Variants in COBL observed in about 807,000 individuals in gnomAD.
COBL encodes the protein cordon-bleu WH2 repeat protein.
A neutral mutation model predicts 98.8 loss-of-function variants in COBL; 51 were observed. That is an observed-to-expected ratio of 0.52 (90% CI 0.41 to 0.65). The LOEUF (loss-of-function observed/expected upper bound fraction) is 0.65. Among genes scored for constraint, COBL ranks in the 30% least tolerant of loss-of-function variants. The pLI is 0.00. For missense variants in COBL, 1,617 were observed against 1,617.5 expected (o/e 1.00, Z 0.01); for synonymous variants, 634 against 651.7 (o/e 0.97, Z 0.41).
intron 6 of COBL, among the ~76,000 whole-genome samples, chr7:51,097,231 AT>A (rs1393845227): frequency 6.6e-6 from 1 of 152,216 alleles, no homozygotes; most frequent in Admixed American, 6.5e-5. Context: ...GACAAAAACC[AT>A]ACAAAACTCA....
rs1199232708 is a variant in COBL at position 51,043,711 on chromosome 7, G to A, written c.1097-19C>T. ...AGGCTTACTGGACAAGACACGGCAA[G>A]GACAGGTCAGCCCAAACCACTCTGG... is the stretch of plus-strand genomic sequence containing the variant. On this transcript the variant is annotated intron_variant, in intron 7 of 12. Coordinates refer to ENST00000265136, the MANE Select transcript of COBL (RefSeq NM_015198.5). 3.1e-6 allele frequency: 5 copies of A among 1,603,956 alleles called. No homozygotes were observed. In the African/African-American group the frequency reaches 4.0e-5, roughly 13 times the overall value.
chr7:51,183,804 T>C (rs531974666), intron 5 of COBL, among the ~76,000 whole-genome samples: 1 of 152,290 alleles, frequency 6.6e-6, no homozygotes, highest in East Asian at 1.9e-4. Flanking sequence ...CAGAGTTCTG[T>C]GGAAGTACCG....
chr7:51,306,368 G>C (rs947964933), intron 1 of COBL, among the ~76,000 whole-genome samples: 18 of 152,114 alleles, frequency 1.2e-4, no homozygotes, highest in Non-Finnish European at 2.9e-5. Flanking sequence ...TTGGAGCAAG[G>C]GCTGTATAAA....
intron 1 of COBL, among the ~76,000 whole-genome samples, chr7:51,315,088 T>C (rs925026861): frequency 7.2e-5 from 11 of 152,216 alleles, no homozygotes; most frequent in Non-Finnish European, 1.5e-4. Flanking sequence ...TGTCCTTAAA[T>C]AGGCTCATTT....
intron 5 of COBL, among the ~76,000 whole-genome samples, chr7:51,176,729 T>C (rs1019921902): frequency 6.6e-6 from 1 of 152,218 alleles, no homozygotes; most frequent in Non-Finnish European, 1.5e-5. Flanking sequence ...TGAATCCAAA[T>C]GTCCTTTTGA....
intron 7 of COBL, among the ~76,000 whole-genome samples, chr7:51,078,675 C>T (rs1189234617): frequency 1.3e-5 from 2 of 152,228 alleles, no homozygotes; most frequent in Admixed American, 6.5e-5. Context: ...CATGGCTTTG[C>T]TGGGTGCCTC....
chr7:51,259,286 C>CAAA (rs778118572), intron 1 of COBL: 7 of 76,718 alleles, frequency 9.1e-5, no homozygotes, highest in South Asian at 3.3e-4. Flanking sequence ...GACTCCAGCT[C>CAAA]AAAAAAAAAA....
chr7:51,208,159 G>A (rs1191638555), intron 2 of COBL, among the ~76,000 whole-genome samples: 3 of 148,304 alleles, frequency 2.0e-5, no homozygotes, highest in Non-Finnish European at 3.0e-5. Flanking sequence ...CTGCCTGGCC[G>A]CCCCGTCTGA....
At chr7:51,170,506 G>GAGAT (rs369216775) in intron 5 of COBL, among the ~76,000 whole-genome samples, 7 of 132,060 alleles carry the variant, frequency 5.3e-5, no homozygotes, top group African/African-American at 2.1e-4. Flanking sequence ...CTGACACTGT[G>GAGAT]ATATATATAT....
intron 5 of COBL, among the ~76,000 whole-genome samples, chr7:51,170,283 T>C (rs952064874): frequency 6.6e-6 from 1 of 151,978 alleles, no homozygotes; most frequent in Non-Finnish European, 1.5e-5. Context: ...CCCTGTTGTA[T>C]ACCATGCTTC....
At chr7:51,256,012 T>G (rs1424470382) in intron 1 of COBL, among the ~76,000 whole-genome samples, 1 of 152,076 alleles carries the variant, frequency 6.6e-6, no homozygotes, top group Admixed American at 6.6e-5. Flanking sequence ...TGGTCTCTAT[T>G]TTTACTCCTT....
intron 1 of COBL, among the ~76,000 whole-genome samples, chr7:51,304,600 A>T (rs1802283533): frequency 6.6e-6 from 1 of 152,250 alleles, no homozygotes; most frequent in South Asian, 2.1e-4. Context: ...TTCCTACTGG[A>T]AAGGCAGTGC....
Position 51,022,150 on chromosome 7 carries a change from G to A in COBL, c.3768+2959C>T, listed in dbSNP as rs549697665. Among the ~76,000 whole-genome samples the A allele has an allele frequency of 9.8e-5, 15 of 152,318 alleles. No homozygotes were observed. In the South Asian group the frequency reaches 2.5e-3, roughly 25 times the overall value. Reference sequence around the variant, plus strand: ...GACTGAGGGGAACGTGGTTTCCAACGTAGGACTCAGCCAAGGAACTCAGGG... The same window carrying A: ...GACTGAGGGGAACGTGGTTTCCAACATAGGACTCAGCCAAGGAACTCAGGG... On this transcript the variant is annotated intron_variant, in intron 12 of 12. Coordinates refer to ENST00000265136, the MANE Select transcript of COBL (RefSeq NM_015198.5).
At chr7:51,294,704 T>G (rs1801249361) in intron 1 of COBL, among the ~76,000 whole-genome samples, 1 of 151,988 alleles carries the variant, frequency 6.6e-6, no homozygotes, top group Non-Finnish European at 1.5e-5. Context: ...AATATTTTTC[T>G]GTACTTGATA....
intron 6 of COBL, among the ~76,000 whole-genome samples, chr7:51,095,896 T>G (rs571945102): frequency 6.6e-6 from 1 of 152,100 alleles, no homozygotes; most frequent in Non-Finnish European, 1.5e-5. Flanking sequence ...AAAGCAAACA[T>G]TGACATAATT....
intron 2 of COBL, among the ~76,000 whole-genome samples, chr7:51,195,970 C>G (rs1218683309): frequency 6.6e-6 from 1 of 152,130 alleles, no homozygotes; most frequent in Non-Finnish European, 1.5e-5. Flanking sequence ...TCCTCTCTTC[C>G]TATTTGTATG....
chr7:51,107,084 G>GTTTT lies in COBL; in HGVS notation c.958-21781_958-21780insAAAA, dbSNP rs202161212. On this transcript the variant is annotated intron_variant, in intron 6 of 12. Transcript: ENST00000265136. ...ACTTAACACTTTTTTTGTGATCCTA[G>GTTTT]TTTGTTTGTTTTTTTTTTTTTTTTT... 1.8e-4 allele frequency among the ~76,000 whole-genome samples: 20 copies of GTTTT among 109,326 alleles called. 3 individuals carry two copies. Among genetic ancestry groups the GTTTT allele is most frequent in the East Asian group, 9.2e-4 (3 of 3,268 alleles). The allele number at this position is 109,326 out of a possible 152,430, so 71.7% of individuals were successfully genotyped here. A position where few individuals can be genotyped will look rare whatever the true frequency, so the allele number is the denominator to read the frequency against.
intron 7 of COBL, among the ~76,000 whole-genome samples, chr7:51,063,871 G>A (rs1791634883): frequency 6.6e-6 from 1 of 152,206 alleles, no homozygotes; most frequent in African/African-American, 2.4e-5. Flanking sequence ...ATTTGTATGT[G>A]TAATTCTCAA....
rs1385389546 is a variant in COBL at position 51,026,636 on chromosome 7, T to G, written c.3414A>C (p.Pro1138=). 2.5e-6 allele frequency: 4 copies of G among 1,613,992 alleles called. No individual in the cohort carries two copies. The highest frequency in any genetic ancestry group is 3.4e-6 in the Non-Finnish European group (4 of 1,180,024). Residue 1138 remains proline (P), a synonymous_variant, in exon 11 of 13, where the codon CCA becomes CCC. Transcript: ENST00000265136. ...CTGCCTCCGTGTAGGACAGTTTCGC[T>G]GGCCTGCCCTCCCCGGTGTGTTCTG... ...KTAEHTGEGR[P]AKLSYTEAEG...
Sources: allele counts gnomAD v4.1 joint callset (sites outside exome capture counted in the v4.1 genomes callset), GRCh38; gene constraint gnomAD v4.1.1; transcripts MANE v1.5; gene names NCBI Gene and HGNC (gene_info 2026-07-23, HGNC 2026-07-21).